The following TSHZ2 variants were observed in gnomAD, a reference collection of about 807,000 sequenced individuals.
TSHZ2 encodes the protein teashirt zinc finger homeobox 2.
TSHZ2 carries 21 observed loss-of-function variants against 74.4 expected under a neutral mutation model. The ratio of observed to expected loss-of-function variants is 0.28; its 90% CI spans 0.20 to 0.41. The LOEUF (loss-of-function observed/expected upper bound fraction) is 0.41. Among genes scored for constraint, TSHZ2 ranks in the 10% least tolerant of loss-of-function variants. The probability of loss-of-function intolerance (pLI) is 1.00; values close to 1 mark genes in which losing one functional copy is unlikely to be tolerated. For synonymous variants in TSHZ2, 540 were observed against 515.3 expected (o/e 1.05, Z -0.65); for missense variants, 1,244 against 1,293.5 (o/e 0.96, Z 0.59).
At chr20:53,135,187 TAC>T (rs1019172985) in intron 1 of TSHZ2, among the ~76,000 whole-genome samples, 1 of 152,238 alleles carries the variant, frequency 6.6e-6, no homozygotes, top group Admixed American at 6.5e-5. Context: ...TCCTGTGGTA[TAC>T]AGTTTTATGA....
intron 1 of TSHZ2, among the ~76,000 whole-genome samples, chr20:53,019,248 G>T (rs1600648979): frequency 6.7e-6 from 1 of 148,264 alleles, no homozygotes; most frequent in Non-Finnish European, 1.5e-5. Flanking sequence ...AGTTGCCTGG[G>T]TTTTTTTTTT....
intron 1 of TSHZ2, chr20:53,179,376 C>T (rs1988419607): frequency 6.6e-6 from 1 of 152,196 alleles, no homozygotes; most frequent in Non-Finnish European, 1.5e-5. Context: ...TTACTTCCAG[C>T]CATCATGACT....
At chr20:53,314,677 A>G (rs995900688) in intron 2 of TSHZ2, among the ~76,000 whole-genome samples, 1 of 140,012 alleles carries the variant, frequency 7.1e-6, no homozygotes, top group African/African-American at 2.7e-5. Context: ...GCTGAAGTGT[A>G]GTGGCATGAT....
chr20:53,169,445 C>A (rs1988138723), intron 1 of TSHZ2, among the ~76,000 whole-genome samples: 5 of 152,210 alleles, frequency 3.3e-5, no homozygotes, highest in Admixed American at 1.3e-4. Flanking sequence ...GGTTTTAATT[C>A]TTTGCCCAAA....
intron 1 of TSHZ2, among the ~76,000 whole-genome samples, chr20:53,252,963 G>T (rs1404913900): frequency 6.6e-6 from 1 of 152,050 alleles, no homozygotes; most frequent in East Asian, 1.9e-4. Context: ...AAAAAGACAG[G>T]GGCTATCAAA....
chr20:53,143,581 A>C (rs1398924944), intron 1 of TSHZ2, among the ~76,000 whole-genome samples: 1 of 152,108 alleles, frequency 6.6e-6, no homozygotes, highest in Non-Finnish European at 1.5e-5. Flanking sequence ...AGTCCCAGCT[A>C]CTCGGGAGGC....
intron 2 of TSHZ2, among the ~76,000 whole-genome samples, chr20:53,333,097 C>A (rs1165323774): frequency 2.6e-5 from 4 of 152,222 alleles, no homozygotes; most frequent in Non-Finnish European, 5.9e-5. Context: ...TGACATCAAG[C>A]ATGTCATTTG....
intron 1 of TSHZ2, among the ~76,000 whole-genome samples, chr20:53,171,507 ATG>A (rs1314342281): frequency 6.6e-6 from 1 of 152,036 alleles, no homozygotes; most frequent in African/African-American, 2.4e-5. Flanking sequence ...TATTATTTTC[ATG>A]TGTTGTGCAC....
intron 1 of TSHZ2, among the ~76,000 whole-genome samples, chr20:53,004,730 A>G (rs1982577150): frequency 6.6e-6 from 1 of 152,210 alleles, no homozygotes; most frequent in African/African-American, 2.4e-5. Flanking sequence ...AGACATCAAG[A>G]TGCTACCAAA....
intron 2 of TSHZ2, among the ~76,000 whole-genome samples, chr20:53,269,401 G>A (rs1600779711): frequency 6.6e-6 from 1 of 152,170 alleles, no homozygotes; most frequent in South Asian, 2.1e-4. Flanking sequence ...ATGGAATGTA[G>A]CATTAACCTG....
At chr20:53,209,515 G>A (rs936349655) in intron 1 of TSHZ2, among the ~76,000 whole-genome samples, 6 of 152,150 alleles carry the variant, frequency 3.9e-5, no homozygotes, top group East Asian at 1.9e-4. Context: ...GCATTTAAAC[G>A]CCCATCATTA....
intron 1 of TSHZ2, among the ~76,000 whole-genome samples, chr20:53,030,731 C>T (rs1983604439): frequency 6.6e-6 from 1 of 152,154 alleles, no homozygotes. Context: ...TAAAATCACC[C>T]ACAGATATCA....
chr20:52,982,961 T>C (rs989326809), intron 1 of TSHZ2, among the ~76,000 whole-genome samples: 7 of 152,162 alleles, frequency 4.6e-5, no homozygotes, highest in Non-Finnish European at 1.5e-5. Flanking sequence ...CTGTTTGTAT[T>C]TCAAAAGTGA....
intron 1 of TSHZ2, among the ~76,000 whole-genome samples, chr20:53,104,865 T>C (rs551528177): frequency 6.6e-6 from 1 of 152,296 alleles, no homozygotes; most frequent in South Asian, 2.1e-4. Flanking sequence ...CCCCATCCTA[T>C]TCATGTTTCT....
chr20:53,104,757 C>A (rs771677027), intron 1 of TSHZ2, among the ~76,000 whole-genome samples: 1 of 152,288 alleles, frequency 6.6e-6, no homozygotes, highest in East Asian at 1.9e-4. Context: ...TGATCAATCA[C>A]CCCCTCTTAA....
chr20:53,405,983 C>T (rs1982837673), intron 2 of TSHZ2, among the ~76,000 whole-genome samples: 1 of 151,868 alleles, frequency 6.6e-6, no homozygotes, highest in Non-Finnish European at 1.5e-5. Flanking sequence ...GGTGACAGAG[C>T]AAGACCCTGT....
intron 2 of TSHZ2, among the ~76,000 whole-genome samples, chr20:53,479,955 A>G (rs1986101882): frequency 6.6e-6 from 1 of 152,114 alleles, no homozygotes; most frequent in Non-Finnish European, 1.5e-5. Context: ...AAAATGGTAC[A>G]GACTGAGAGT....
At chr20:53,362,629 G>A (rs545476590) in intron 2 of TSHZ2, among the ~76,000 whole-genome samples, 12 of 150,218 alleles carry the variant, frequency 8.0e-5, no homozygotes, top group African/African-American at 1.2e-4. Context: ...AGAGGCATTC[G>A]ATTCTCTGAC....
chr20:53,360,277 C>A (rs1363128603), intron 2 of TSHZ2, among the ~76,000 whole-genome samples: 4 of 152,188 alleles, frequency 2.6e-5, no homozygotes, highest in Non-Finnish European at 5.9e-5. Context: ...ACCTACCTTG[C>A]ACACTTATGG....
Sources: allele counts gnomAD v4.1 joint callset (sites outside exome capture counted in the v4.1 genomes callset), GRCh38; gene constraint gnomAD v4.1.1; transcripts MANE v1.5; gene names NCBI Gene and HGNC (gene_info 2026-07-23, HGNC 2026-07-21).